The following OSBPL8 variants were observed in gnomAD, a reference collection of about 807,000 sequenced individuals.
OSBPL8 encodes the protein oxysterol binding protein like 8, also known as oxysterol-binding protein-related protein 8.
OSBPL8 carries 59 observed loss-of-function variants against 125.5 expected under a neutral mutation model. The ratio of observed to expected loss-of-function variants is 0.47; its 90% CI spans 0.38 to 0.58. The LOEUF (loss-of-function observed/expected upper bound fraction) is 0.58, where lower values mean the gene tolerates loss of function less well. OSBPL8 is among the 20% of genes least tolerant of loss of function. The pLI is 0.00. For synonymous variants in OSBPL8, 330 were observed against 338.9 expected (o/e 0.97, Z 0.29); for missense variants, 758 against 1,047.8 (o/e 0.72, Z 3.82).
rs1390962666 is a variant in OSBPL8 at position 76,421,983 on chromosome 12, T to A, written c.218-11349A>T. ...GGAAGCTAAGGTATTTCAAAAACTA[T>A]ACTTGAGTAGAAAGCTTCACTTTAG... is the stretch of plus-strand genomic sequence containing the variant. On this transcript the variant is annotated intron_variant, in intron 4 of 23. Coordinates refer to ENST00000261183, the MANE Select transcript of OSBPL8 (RefSeq NM_020841.5). 4.6e-5 allele frequency among the ~76,000 whole-genome samples: 7 copies of A among 152,102 alleles called. No individual in the cohort carries two copies. In the East Asian group the frequency reaches 1.3e-3, roughly 29 times the overall value.
At position 76,371,338 on chromosome 12, in the gene OSBPL8, A is replaced by G. The variant is rs1952610634; in HGVS notation, c.2054+110T>C. ...CTGTCACTTCCACAAATGATAAACT[A>G]TTTTGCTGAATTAAGATATGACAGA... On this transcript the variant is annotated intron_variant, in intron 19 of 23. Coordinates refer to ENST00000261183, the MANE Select transcript of OSBPL8 (RefSeq NM_020841.5). 3.4e-6 allele frequency: 4 copies of G among 1,186,188 alleles called. No individual in the cohort carries two copies. The African/African-American group carries it at 6.1e-5, about 18-fold the overall frequency. 73.5% of individuals were successfully genotyped at this position (1,186,188 alleles called of 1,614,324 possible).
At chr12:76,491,717 C>T (rs1380571370) in intron 1 of OSBPL8, among the ~76,000 whole-genome samples, 1 of 152,148 alleles carries the variant, frequency 6.6e-6, no homozygotes, top group East Asian at 1.9e-4. Context: ...AGTTGTTGCA[C>T]TTAACTAATA....
At chr12:76,517,675 T>G (rs1042613509) in intron 1 of OSBPL8, among the ~76,000 whole-genome samples, 1 of 152,218 alleles carries the variant, frequency 6.6e-6, no homozygotes, top group African/African-American at 2.4e-5. Context: ...ATTGGGTTCA[T>G]AGTTCTACCG....
intron 14 of OSBPL8, among the ~76,000 whole-genome samples, chr12:76,385,044 A>T (rs190764796): frequency 6.0e-4 from 92 of 152,358 alleles, no homozygotes; most frequent in Non-Finnish European, 1.1e-3. Context: ...AACAAAAAAC[A>T]TGTTATTTAA....
At chr12:76,494,350 T>C (rs1474984873) in intron 1 of OSBPL8, among the ~76,000 whole-genome samples, 2 of 152,176 alleles carry the variant, frequency 1.3e-5, no homozygotes, top group Non-Finnish European at 2.9e-5. Context: ...GGGAGTCTTT[T>C]ACTCTAAGTG....
chr12:76,554,086 A>G (rs1951025071), intron 1 of OSBPL8, among the ~76,000 whole-genome samples: 1 of 151,846 alleles, frequency 6.6e-6, no homozygotes, highest in Non-Finnish European at 1.5e-5. Flanking sequence ...AAATACTGTT[A>G]TCTATTATGT....
At chr12:76,513,546 G>A (rs570140303) in intron 1 of OSBPL8, among the ~76,000 whole-genome samples, 2 of 152,120 alleles carry the variant, frequency 1.3e-5, no homozygotes, top group East Asian at 1.9e-4. Flanking sequence ...CACTATTATC[G>A]TGCGGGAGTT....
rs376774394 is a variant in OSBPL8, at chr12:76,498,679, T to C, written c.-67-11061A>G. Among the ~76,000 whole-genome samples the C allele has an allele frequency of 5.6e-4, 85 of 152,248 alleles. 1 individual carries two copies. The highest frequency in any genetic ancestry group is 2.0e-3 in the African/African-American group (84 of 41,554). The stretch of plus-strand genomic sequence containing the variant: ...TGTGACTAAGTTTTCTATCTATGCT[T>C]TTGAGCTAATCCCTCTGGCACTTAG... On this transcript the variant is annotated intron_variant, in intron 1 of 23. Coordinates refer to ENST00000261183, the MANE Select transcript of OSBPL8 (RefSeq NM_020841.5).
At chr12:76,518,242 ACAAG>A (rs1881740154) in intron 1 of OSBPL8, among the ~76,000 whole-genome samples, 1 of 152,256 alleles carries the variant, frequency 6.6e-6, no homozygotes, top group South Asian at 2.1e-4. Flanking sequence ...GCAACAGGCC[ACAAG>A]CAAGTCCAAA....
chr12:76,542,199 T>A (rs955371485), intron 1 of OSBPL8, among the ~76,000 whole-genome samples: 1 of 152,044 alleles, frequency 6.6e-6, no homozygotes. Context: ...CATAAAAAAA[T>A]AAAGCATAAT....
intron 14 of OSBPL8, among the ~76,000 whole-genome samples, chr12:76,384,569 C>A (rs1953217488): frequency 6.6e-6 from 1 of 152,052 alleles, no homozygotes; most frequent in Admixed American, 6.6e-5. Flanking sequence ...CACATAGGCC[C>A]CTCTTATATT....
intron 1 of OSBPL8, among the ~76,000 whole-genome samples, chr12:76,520,814 TGTTTTA>T (rs1255214187): frequency 6.6e-6 from 1 of 152,186 alleles, no homozygotes; most frequent in Non-Finnish European, 1.5e-5. Context: ...CAAGTTTGTG[TGTTTTA>T]GATTGACAAT....
chr12:76,382,808 G>C (rs571676767), intron 15 of OSBPL8, among the ~76,000 whole-genome samples: 1 of 152,158 alleles, frequency 6.6e-6, no homozygotes, highest in East Asian at 1.9e-4. Flanking sequence ...GCTTGAACCC[G>C]GGAGGCAGAG....
At chr12:76,411,320 T>C (rs1954505836) in intron 4 of OSBPL8, among the ~76,000 whole-genome samples, 1 of 152,160 alleles carries the variant, frequency 6.6e-6, no homozygotes, top group Non-Finnish European at 1.5e-5. Flanking sequence ...TATTGAGACT[T>C]GTGTGGCAGG....
At chr12:76,526,919 G>A (rs1167940823) in intron 1 of OSBPL8, among the ~76,000 whole-genome samples, 2 of 143,242 alleles carry the variant, frequency 1.4e-5, no homozygotes, top group Admixed American at 1.4e-4. Flanking sequence ...CAAAATGCTG[G>A]GATTACAGGT....
At chr12:76,402,625 C>G (rs545581508) in intron 6 of OSBPL8, 64 bp downstream of exon 6, 2 of 1,158,522 alleles carry the variant, frequency 1.7e-6, no homozygotes, top group African/African-American at 3.1e-5. Context: ...TCCTATTAGT[C>G]TACTTCCAAA....
chr12:76,367,011 A>G (rs921879876), intron 21 of OSBPL8, among the ~76,000 whole-genome samples: 2 of 152,172 alleles, frequency 1.3e-5, no homozygotes, highest in African/African-American at 4.8e-5. Flanking sequence ...AAGAATGTGT[A>G]TTCTTCCATG....
At position 76,389,845 on chromosome 12, in the gene OSBPL8, AAAATTACC is replaced by A; in HGVS notation, c.1168-24_1168-17del. 1 of 1,461,756 alleles carries A rather than the reference AAAATTACC, an allele frequency of 6.8e-7. No individual in the cohort carries two copies. The highest frequency in any genetic ancestry group is 9.1e-7 in the Non-Finnish European group (1 of 1,099,164). The allele number at this position is 1,461,756 out of a possible 1,614,324, so 90.5% of individuals were successfully genotyped here. A position where few individuals can be genotyped will look rare whatever the true frequency, so the allele number is the denominator to read the frequency against. ...CCTCACCTGCCTTTATCAATTAATG[AAAATTACC>A]AAAACATTATATTTATTTCAGACAG... On this transcript the variant is annotated splice_polypyrimidine_tract_variant and intron_variant, in intron 11 of 23. Coordinates refer to ENST00000261183, the MANE Select transcript of OSBPL8 (RefSeq NM_020841.5).
chr12:76,489,452 C>T (rs543778886), intron 1 of OSBPL8, among the ~76,000 whole-genome samples: 128 of 152,290 alleles, frequency 8.4e-4, no homozygotes, highest in Non-Finnish European at 1.6e-3. Flanking sequence ...GAAGTTGAAG[C>T]CAATGTTCAT....
Sources: gnomAD v4.1 joint callset for allele counts (sites outside exome capture counted in the v4.1 genomes callset) on GRCh38, gnomAD v4.1.1 for gene constraint, MANE v1.5 for transcripts, NCBI Gene and HGNC (gene_info 2026-07-23, HGNC 2026-07-21) for gene names.